Variants in STK32B observed in about 807,000 individuals in gnomAD.
STK32B encodes serine/threonine kinase 32B.
Under a neutral mutation model 52.6 loss-of-function variants are expected in STK32B, and 43 were observed. The observed-to-expected ratio is 0.82, with a 90% CI of 0.64 to 1.05. The LOEUF (loss-of-function observed/expected upper bound fraction) is 1.05. Ranked by LOEUF, STK32B falls within the 50% of genes least tolerant of loss-of-function variation. The probability of loss-of-function intolerance (pLI) is 0.00; values close to 1 mark genes in which losing one functional copy is unlikely to be tolerated. For synonymous variants in STK32B, 238 were observed against 204.3 expected, an observed-to-expected ratio of 1.17 and a Z score of -1.41; for missense variants, 621 against 534.6, an observed-to-expected ratio of 1.16 and a Z score of -1.59.
At chr4:5,475,015 C>T (rs1020636653) in intron 11 of STK32B, among the ~76,000 whole-genome samples, 22 of 152,054 alleles carry the variant, frequency 1.4e-4, no homozygotes, top group African/African-American at 3.9e-4. Flanking sequence ...CCTGACGCAG[C>T]GGGAGGAATT....
intron 1 of STK32B, among the ~76,000 whole-genome samples, chr4:5,061,196 C>T (rs958466950): frequency 2.6e-5 from 4 of 152,128 alleles, no homozygotes; most frequent in African/African-American, 9.7e-5. Flanking sequence ...TCTTTTTTCT[C>T]TCCTTGTTTT....
At chr4:5,258,484 C>G (rs1726481344) in intron 3 of STK32B, among the ~76,000 whole-genome samples, 1 of 152,178 alleles carries the variant, frequency 6.6e-6, no homozygotes, top group South Asian at 2.1e-4. Context: ...GCCCTGCCTC[C>G]CTGTTGCAAG....
intron 3 of STK32B, among the ~76,000 whole-genome samples, chr4:5,330,435 C>G (rs1013874552): frequency 6.6e-6 from 1 of 152,136 alleles, no homozygotes; most frequent in East Asian, 1.9e-4. Flanking sequence ...TCTACTGTTT[C>G]AAAAACAAAA....
At chr4:5,022,389 AG>A in the STK32B span, among the ~76,000 whole-genome samples, 2 of 152,280 alleles carry the variant, frequency 1.3e-5, no homozygotes, top group Admixed American at 1.3e-4. Flanking sequence ...GCTCCCCACC[AG>A]GGGCTCCCTA....
Position 5,377,980 on chromosome 4 carries a change from G to A in STK32B, c.435-20227G>A, listed in dbSNP as rs193219762. ...AGTAGTACCAAATTCTGGTTAGACT[G>A]GGTGCCCACCAAGGATTTGAGATGG... On this transcript the variant is annotated intron_variant, in intron 4 of 11. Coordinates refer to ENST00000282908, the MANE Select transcript of STK32B (RefSeq NM_018401.3). Among the ~76,000 whole-genome samples the A allele has an allele frequency of 4.1e-4, 63 of 152,306 alleles. No homozygotes were observed. In the East Asian group the frequency reaches 0.011, roughly 26 times the overall value.
chr4:5,023,356 C>A, the STK32B span, among the ~76,000 whole-genome samples: 1 of 152,178 alleles, frequency 6.6e-6, no homozygotes, highest in Admixed American at 6.5e-5. Context: ...TTATCCAGAT[C>A]TACCTGCCTG....
At chr4:5,125,556 C>G (rs535984090) in intron 1 of STK32B, among the ~76,000 whole-genome samples, 1 of 152,148 alleles carries the variant, frequency 6.6e-6, no homozygotes, top group African/African-American at 2.4e-5. Flanking sequence ...CTGAGGCCAG[C>G]GATGCAGGGA....
intron 1 of STK32B, among the ~76,000 whole-genome samples, chr4:5,099,845 C>T (rs1713629431): frequency 6.6e-6 from 1 of 152,100 alleles, no homozygotes. Flanking sequence ...CAAGCGGGAC[C>T]TGTCTGAGCC....
chr4:5,433,728 C>G lies in STK32B; in HGVS notation c.563-12945C>G, dbSNP rs182167744. Among the ~76,000 whole-genome samples the G allele has an allele frequency of 5.3e-5, 8 of 152,332 alleles. 2 individuals carry two copies. Among genetic ancestry groups the G allele is most frequent in the African/African-American group, 1.9e-4 (8 of 41,570 alleles). On this transcript the variant is annotated intron_variant, in intron 6 of 11. Transcript: ENST00000282908. ...AGGCTAGATGTTGAATAGCATTTCACACTCCACTGCAAATATCAAAACCTT... is the reference window on the plus strand; with the variant it reads ...AGGCTAGATGTTGAATAGCATTTCAGACTCCACTGCAAATATCAAAACCTT...
chr4:5,268,536 GTGGTGTGTGTGTGTGTGT>G (rs1727197444), intron 3 of STK32B, among the ~76,000 whole-genome samples: 1 of 131,526 alleles, frequency 7.6e-6, no homozygotes, highest in Non-Finnish European at 1.6e-5. Flanking sequence ...GTTGCTTGGT[GTGGTGTGTGTGTGTGTGT>G]GTGTGTGTGT....
chr4:5,374,789 A>G lies in STK32B; in HGVS notation c.435-23418A>G, dbSNP rs202005753. ...GAATATTGACGGGGGCGGGGGGGGA[A>G]CACCAACGTTCAAACCACAGCAGTG... On this transcript the variant is annotated intron_variant, in intron 4 of 11. Transcript: ENST00000282908. 2.1e-4 allele frequency among the ~76,000 whole-genome samples: 32 copies of G among 151,210 alleles called. No homozygotes were observed. In the East Asian group the frequency reaches 5.5e-3, roughly 26 times the overall value.
intron 3 of STK32B, among the ~76,000 whole-genome samples, chr4:5,175,070 C>T (rs529915583): frequency 6.6e-6 from 1 of 152,286 alleles, no homozygotes; most frequent in South Asian, 2.1e-4. Flanking sequence ...ATCGCTGATA[C>T]CCTTTCTTCC....
chr4:5,370,507 C>T (rs370859212), intron 4 of STK32B, among the ~76,000 whole-genome samples: 18 of 152,220 alleles, frequency 1.2e-4, no homozygotes, highest in Middle Eastern at 3.4e-3. Flanking sequence ...GGGAGCCCCA[C>T]GTCAAGCCCA....
chr4:5,437,084 C>T (rs557572296), intron 6 of STK32B, among the ~76,000 whole-genome samples: 8 of 152,318 alleles, frequency 5.3e-5, no homozygotes, highest in African/African-American at 1.9e-4. Flanking sequence ...CACCAATCCC[C>T]AGATAACTCA....
chr4:5,094,123 G>A (rs1713252531), intron 1 of STK32B, among the ~76,000 whole-genome samples: 1 of 152,154 alleles, frequency 6.6e-6, no homozygotes, highest in Non-Finnish European at 1.5e-5. Context: ...GCTGTTATAT[G>A]GGTGCAGGAT....
At chr4:5,208,917 T>G (rs1409603939) in intron 3 of STK32B, among the ~76,000 whole-genome samples, 1 of 152,282 alleles carries the variant, frequency 6.6e-6, no homozygotes, top group African/African-American at 2.4e-5. Context: ...TCATTCTTTA[T>G]AAACCTTTTC....
At chr4:5,103,249 G>T (rs1333325103) in intron 1 of STK32B, among the ~76,000 whole-genome samples, 2 of 151,872 alleles carry the variant, frequency 1.3e-5, no homozygotes, top group Non-Finnish European at 2.9e-5. Flanking sequence ...CTCAGCTTAC[G>T]AAGTGAAACA....
chr4:5,026,106 G>T, the STK32B span, among the ~76,000 whole-genome samples: 14 of 152,208 alleles, frequency 9.2e-5, no homozygotes, highest in Non-Finnish European at 2.9e-5. Context: ...AACCTCAGCT[G>T]CCCATTGCTT....
At chr4:5,171,619 G>A (rs929100439) in intron 3 of STK32B, among the ~76,000 whole-genome samples, 3 of 150,946 alleles carry the variant, frequency 2.0e-5, no homozygotes, top group Non-Finnish European at 3.0e-5. Context: ...GATAGTTGTA[G>A]ATACATGGCA....
Sources: gnomAD v4.1 joint callset for allele counts (sites outside exome capture counted in the v4.1 genomes callset) on GRCh38, gnomAD v4.1.1 for gene constraint, MANE v1.5 for transcripts, NCBI Gene and HGNC (gene_info 2026-07-23, HGNC 2026-07-21) for gene names.